DIRAS2: variants seen among roughly 807,000 people sequenced by gnomAD.
DIRAS2 encodes GTP-binding protein Di-Ras2.
A neutral mutation model predicts 13.9 loss-of-function variants in DIRAS2; 5 were observed. The observed-to-expected ratio is 0.36, with a 90% CI of 0.19 to 0.76. The LOEUF (loss-of-function observed/expected upper bound fraction) is 0.76. Among genes scored for constraint, DIRAS2 ranks in the 30% least tolerant of loss-of-function variants. The pLI is 0.53. For synonymous variants in DIRAS2, 111 were observed against 105.4 expected (o/e 1.05, Z -0.33); for missense variants, 191 against 263.0 (o/e 0.73, Z 1.89).
At chr9:90,616,189 A>G (rs1051410904) in intron 1 of DIRAS2, among the ~76,000 whole-genome samples, 10 of 152,210 alleles carry the variant, frequency 6.6e-5, no homozygotes, top group Non-Finnish European at 1.3e-4. Context: ...TTAAACTGGC[A>G]ACGAACACAT....
intron 1 of DIRAS2, among the ~76,000 whole-genome samples, chr9:90,639,849 T>A (rs182695978): frequency 4.6e-5 from 7 of 152,344 alleles, no homozygotes; most frequent in Admixed American, 3.9e-4. Context: ...CTCACAGCAA[T>A]CTGAGATCAT....
At chr9:90,635,992 A>G (rs1825366253) in intron 1 of DIRAS2, among the ~76,000 whole-genome samples, 1 of 143,366 alleles carries the variant, frequency 7.0e-6, no homozygotes, top group African/African-American at 2.6e-5. Flanking sequence ...GGAATCTGGA[A>G]TTGTCCTAAA....
At chr9:90,614,281 A>C (rs1382593082) in intron 1 of DIRAS2, among the ~76,000 whole-genome samples, 2 of 149,060 alleles carry the variant, frequency 1.3e-5, no homozygotes, top group African/African-American at 5.0e-5. Context: ...TGAAGTACTG[A>C]GTACCCAATA....
At chr9:90,614,005 T>A in intron 1 of DIRAS2, 142 bp from the exon 2 acceptor site, 1 of 911,160 alleles carries the variant, frequency 1.1e-6, no homozygotes, top group Non-Finnish European at 1.6e-6. Context: ...CCAATAAATT[T>A]GGTCAATCCG....
rs374125849 is a variant in DIRAS2 at position 90,613,316 on chromosome 9, C to G, written c.512G>C (p.Arg171Pro). Residue 171 changes from arginine to proline, a missense_variant, in exon 2 of 2, where the codon CGC becomes CCC. Arg to Pro is a moderately radical substitution (Grantham distance 103, BLOSUM62 -2). Coordinates refer to ENST00000375765, the MANE Select transcript of DIRAS2 (RefSeq NM_017594.5). This position sits in a 1 kb window ranked among gnomAD's most constrained non-coding sequence, Gnocchi z 5.6. ...GTCGATCTGGAGACTCACGGTCCTG[C>G]GCTTCTCCAGGTTGAGCAGCTCCTG... ...LFQELLNLEKRRTVSLQIDGK... is the reference protein window; with the variant it reads ...LFQELLNLEKPRTVSLQIDGK... 1 of 1,613,960 alleles carries G rather than the reference C, an allele frequency of 6.2e-7. No homozygotes were observed. Among genetic ancestry groups the G allele is most frequent in the South Asian group, 1.1e-5 (1 of 91,060 alleles).
At chr9:90,614,150 G>A (rs917907387) in intron 1 of DIRAS2, among the ~76,000 whole-genome samples, 9 of 152,108 alleles carry the variant, frequency 5.9e-5, no homozygotes, top group African/African-American at 2.2e-4. Context: ...AAGTGAGCCC[G>A]AGAGACAGCA....
intron 1 of DIRAS2, among the ~76,000 whole-genome samples, chr9:90,629,818 G>C (rs955975022): frequency 6.6e-6 from 1 of 152,108 alleles, no homozygotes; most frequent in Non-Finnish European, 1.5e-5. Flanking sequence ...TGTTCAGTAC[G>C]GGCACAACCA....
At chr9:90,634,670 A>C (rs1269689541) in intron 1 of DIRAS2, among the ~76,000 whole-genome samples, 1 of 152,240 alleles carries the variant, frequency 6.6e-6, no homozygotes, top group Non-Finnish European at 1.5e-5. Flanking sequence ...AAGTGGATTT[A>C]ACCAGATAAA....
chr9:90,625,591 A>C (rs968866126), intron 1 of DIRAS2, among the ~76,000 whole-genome samples: 1 of 152,148 alleles, frequency 6.6e-6, no homozygotes. Flanking sequence ...TCCCCCATTG[A>C]ATGGTCTAAG....
intron 1 of DIRAS2, among the ~76,000 whole-genome samples, chr9:90,620,128 G>A (rs371493254): frequency 2.6e-5 from 4 of 152,166 alleles, no homozygotes; most frequent in Non-Finnish European, 5.9e-5. Flanking sequence ...TGGCTGTACC[G>A]TAAAACCCTG....
At chr9:90,622,117 T>C (rs978088450) in intron 1 of DIRAS2, among the ~76,000 whole-genome samples, 3 of 152,072 alleles carry the variant, frequency 2.0e-5, no homozygotes, top group Non-Finnish European at 2.9e-5. Flanking sequence ...CTAGGCGTGA[T>C]AGCACACACT....
chr9:90,635,247 G>C (rs1372001376), intron 1 of DIRAS2, among the ~76,000 whole-genome samples: 1 of 152,178 alleles, frequency 6.6e-6, no homozygotes, highest in African/African-American at 2.4e-5. Context: ...GCAGGTATCT[G>C]GGGACAGAAT....
chr9:90,625,783 C>T (rs531852250), intron 1 of DIRAS2: 2 of 152,224 alleles, frequency 1.3e-5, no homozygotes, highest in African/African-American at 4.8e-5. Flanking sequence ...TTTTCAAGAT[C>T]TTTTATCTAT....
rs947991230 is a variant in DIRAS2 at position 90,611,328 on chromosome 9, C to T, written c.*1900G>A. On this transcript the variant is annotated 3_prime_UTR_variant, in exon 2 of 2. Coordinates refer to ENST00000375765, the MANE Select transcript of DIRAS2 (RefSeq NM_017594.5). ...CCCAGCTGGCTCCCACGCCACTTCTCTGCTTTCTCAGCTCAGCATGAGTGT... is the reference window on the plus strand; with the variant it reads ...CCCAGCTGGCTCCCACGCCACTTCTTTGCTTTCTCAGCTCAGCATGAGTGT... The T allele has an allele frequency of 6.6e-6, 1 of 152,312 alleles. No individual in the cohort carries two copies. The highest frequency in any genetic ancestry group is 1.5e-5 in the Non-Finnish European group (1 of 68,130). 9.4% of individuals were successfully genotyped at this position (152,312 alleles called of 1,614,324 possible).
intron 1 of DIRAS2, among the ~76,000 whole-genome samples, chr9:90,623,819 C>T (rs1029338632): frequency 5.9e-5 from 9 of 152,166 alleles, no homozygotes; most frequent in African/African-American, 1.7e-4. Flanking sequence ...GCAGGAGGAT[C>T]GCTTCAACCC....
intron 1 of DIRAS2, among the ~76,000 whole-genome samples, chr9:90,636,856 AT>A (rs1825376272): frequency 6.6e-6 from 1 of 152,250 alleles, no homozygotes; most frequent in Non-Finnish European, 1.5e-5. Flanking sequence ...TAAACCCCTC[AT>A]AAGTTGAAAA....
chr9:90,623,428 A>C (rs1431203784), intron 1 of DIRAS2, among the ~76,000 whole-genome samples: 2 of 152,202 alleles, frequency 1.3e-5, no homozygotes, highest in Middle Eastern at 3.2e-3. Context: ...TTATACTCCA[A>C]AAAAGCTTAT....
intron 1 of DIRAS2, among the ~76,000 whole-genome samples, chr9:90,626,954 G>A (rs1425768797): frequency 6.6e-6 from 1 of 152,188 alleles, no homozygotes; most frequent in African/African-American, 2.4e-5. Flanking sequence ...GTGTTGAATT[G>A]TAAGCCCCAA....
rs1825129082 is a variant in DIRAS2, at chr9:90,612,912, G to C, written c.*316C>G. 5.5e-6 allele frequency: 2 copies of C among 365,682 alleles called. No homozygotes were observed. 22.7% of individuals were successfully genotyped at this position (365,682 alleles called of 1,614,324 possible). A position where few individuals can be genotyped will look rare whatever the true frequency, so the allele number is the denominator to read the frequency against. The stretch of plus-strand genomic sequence containing the variant: ...ACATTTAGTCCTCTCGGTACATGTT[G>C]CTTTGTGGGTACCAGTCCTCCCTCC... On this transcript the variant is annotated 3_prime_UTR_variant, in exon 2 of 2. Coordinates refer to ENST00000375765, the MANE Select transcript of DIRAS2 (RefSeq NM_017594.5).
Sources: allele counts gnomAD v4.1 joint callset (sites outside exome capture counted in the v4.1 genomes callset), GRCh38; gene constraint gnomAD v4.1.1; non-coding constraint Gnocchi (gnomAD v3.1); transcripts MANE v1.5; gene names NCBI Gene and HGNC (gene_info 2026-07-23, HGNC 2026-07-21).